LIN7A: variants seen among roughly 807,000 people sequenced by gnomAD.
LIN7A encodes the protein lin-7 cell polarity scaffold A, also known as protein lin-7 homolog A.
Under a neutral mutation model 29.8 loss-of-function variants are expected in LIN7A, and 25 were observed. The ratio of observed to expected loss-of-function variants is 0.84; its 90% confidence interval spans 0.61 to 1.17. LIN7A has a LOEUF of 1.17. LIN7A is among the 50% of genes most tolerant of loss of function. LIN7A has a pLI of 0.00. For synonymous variants in LIN7A, 118 were observed against 107.5 expected (o/e 1.10, Z -0.60); for missense variants, 239 against 287.0 (o/e 0.83, Z 1.21).
intron 4 of LIN7A, among the ~76,000 whole-genome samples, chr12:80,813,280 G>A (rs1871382274): frequency 6.6e-6 from 1 of 152,032 alleles, no homozygotes; most frequent in African/African-American, 2.4e-5. Flanking sequence ...CAAAGTGCTG[G>A]GATTACAGGC....
intron 5 of LIN7A, among the ~76,000 whole-genome samples, chr12:80,807,075 T>TTTTTTTTTTGTTGTTG: frequency 8.1e-6 from 1 of 124,142 alleles, no homozygotes; most frequent in East Asian, 2.4e-4. Context: ...TTTTTTTTTT[T>TTTTTTTTTTGTTGTTG]TTTTTTTTTT....
chr12:80,838,224 A>G lies in LIN7A; in HGVS notation c.483+7506T>C, dbSNP rs370684409. Among the ~76,000 whole-genome samples the G allele has an allele frequency of 7.2e-5, 11 of 152,308 alleles. No homozygotes were observed. In the East Asian group the frequency reaches 7.7e-4, roughly 11 times the overall value. ...TGTGTTCTGGCACTGACACACTATC[A>G]GCACAATCTCTTGTATGCTCAAAGC... On this transcript the variant is annotated intron_variant, in intron 4 of 5. Transcript: ENST00000552864.
At chr12:80,883,010 T>C (rs1001680617) in intron 2 of LIN7A, among the ~76,000 whole-genome samples, 2 of 152,182 alleles carry the variant, frequency 1.3e-5, no homozygotes, top group Admixed American at 6.5e-5. Context: ...TCCATTATAT[T>C]ACAATAAGCT....
At chr12:80,878,616 G>A (rs527515853) in intron 2 of LIN7A, among the ~76,000 whole-genome samples, 56 of 152,286 alleles carry the variant, frequency 3.7e-4, no homozygotes, top group East Asian at 1.2e-3. Context: ...AGATCTGAGC[G>A]GGTTGCTGCT....
rs1555221395 is a variant in LIN7A, at chr12:80,807,082, T to TTTTTGTTTGTTTTG, written c.*4382_*4383insCAAAACAAACAAAA. Among the ~76,000 whole-genome samples, 23 of 134,634 alleles carry TTTTTGTTTGTTTTG rather than the reference T, an allele frequency of 1.7e-4. 1 individual carries two copies. The highest frequency in any genetic ancestry group is 8.6e-4 in the East Asian group (4 of 4,634). 88.3% of individuals were successfully genotyped at this position (134,634 alleles called of 152,430 possible). A position where few individuals can be genotyped will look rare whatever the true frequency, so the allele number is the denominator to read the frequency against. ...GATGGAGTTTTTTTTTTTTTTTTTT[T>TTTTTGTTTGTTTTG]TTTTTTTTTGACGGAGTCTCGCTCT... On this transcript the variant is annotated intron_variant, in intron 5 of 5. Transcript: ENST00000552864.
intron 2 of LIN7A, among the ~76,000 whole-genome samples, chr12:80,876,888 G>A (rs144345130): frequency 1.2e-3 from 187 of 152,072 alleles, no homozygotes; most frequent in African/African-American, 4.3e-3. Context: ...TTGGGAGGCC[G>A]AGGCGGGCGG....
At chr12:80,904,482 T>A (rs181170665) in intron 1 of LIN7A, among the ~76,000 whole-genome samples, 1 of 152,300 alleles carries the variant, frequency 6.6e-6, no homozygotes, top group African/African-American at 2.4e-5. Flanking sequence ...ACCATGATAG[T>A]CCCTGTTACT....
chr12:80,859,900 T>C (rs1314201122), intron 2 of LIN7A, among the ~76,000 whole-genome samples: 1 of 152,218 alleles, frequency 6.6e-6, no homozygotes, highest in Non-Finnish European at 1.5e-5. Context: ...CATTACATAC[T>C]TTTTATAATC....
intron 2 of LIN7A, among the ~76,000 whole-genome samples, chr12:80,884,441 C>T (rs1194354262): frequency 2.0e-5 from 3 of 152,016 alleles, no homozygotes; most frequent in Non-Finnish European, 4.4e-5. Flanking sequence ...TTTATTTTCT[C>T]GTTCTTAAAC....
chr12:80,934,167 C>T (rs764846995), intron 1 of LIN7A, among the ~76,000 whole-genome samples: 39 of 152,048 alleles, frequency 2.6e-4, no homozygotes, highest in Non-Finnish European at 2.5e-4. Flanking sequence ...TTAATATTTG[C>T]CTCTGTGTGT....
intron 1 of LIN7A, among the ~76,000 whole-genome samples, chr12:80,897,574 G>A (rs561940959): frequency 5.9e-5 from 9 of 152,176 alleles, no homozygotes; most frequent in African/African-American, 2.2e-4. Flanking sequence ...TGAGAGGAGA[G>A]GTGGGTGGAT....
intron 3 of LIN7A, among the ~76,000 whole-genome samples, chr12:80,847,849 T>A (rs1316121140): frequency 1.3e-5 from 2 of 152,174 alleles, no homozygotes; most frequent in Non-Finnish European, 2.9e-5. Flanking sequence ...TCAGTGGGTG[T>A]CAGGTGAATT....
At chr12:80,887,860 T>C (rs1330590751) in intron 2 of LIN7A, among the ~76,000 whole-genome samples, 1 of 151,976 alleles carries the variant, frequency 6.6e-6, no homozygotes, top group East Asian at 1.9e-4. Context: ...TTCTAAGGCA[T>C]AGAAGAGATG....
chr12:80,842,153 A>G (rs1175803369), intron 4 of LIN7A: 2 of 1,278,850 alleles, frequency 1.6e-6, no homozygotes, highest in Non-Finnish European at 2.0e-6. Context: ...TCAATTGTTC[A>G]ATTGCTGTAT....
At chr12:80,820,101 A>T (rs1262193244) in intron 4 of LIN7A, among the ~76,000 whole-genome samples, 1 of 152,184 alleles carries the variant, frequency 6.6e-6, no homozygotes, top group African/African-American at 2.4e-5. Context: ...ATTACAAATG[A>T]TCATTAGTTA....
intron 4 of LIN7A, among the ~76,000 whole-genome samples, chr12:80,834,199 T>C (rs1416429575): frequency 6.6e-6 from 1 of 152,174 alleles, no homozygotes; most frequent in Non-Finnish European, 1.5e-5. Flanking sequence ...AAATCTATGT[T>C]GAAATGGTAG....
chr12:80,835,131 G>A (rs1354102540), intron 4 of LIN7A, among the ~76,000 whole-genome samples: 1 of 152,162 alleles, frequency 6.6e-6, no homozygotes, highest in Non-Finnish European at 1.5e-5. Flanking sequence ...TTCTCAGCTA[G>A]AACAGAAGAA....
intron 1 of LIN7A, among the ~76,000 whole-genome samples, chr12:80,917,111 G>A (rs1877065104): frequency 1.3e-5 from 2 of 152,138 alleles, no homozygotes. Flanking sequence ...TGACATTTGG[G>A]TAGAGACTGA....
At chr12:80,894,931 T>C (rs1875808112) in intron 1 of LIN7A, among the ~76,000 whole-genome samples, 1 of 152,190 alleles carries the variant, frequency 6.6e-6, no homozygotes, top group Non-Finnish European at 1.5e-5. Context: ...CCCAAAGCTA[T>C]ACACCTAACA....
Sources: allele counts gnomAD v4.1 joint callset (sites outside exome capture counted in the v4.1 genomes callset), GRCh38; gene constraint gnomAD v4.1.1; transcripts MANE v1.5; gene names NCBI Gene and HGNC (gene_info 2026-07-23, HGNC 2026-07-21).